PABIR3: variants seen among roughly 807,000 people sequenced by gnomAD.
PABIR3 encodes the protein PABIR family member 1.
A neutral mutation model predicts 23.1 loss-of-function variants in PABIR3; 20 were observed. The ratio of observed to expected loss-of-function variants is 0.86; its 90% CI spans 0.61 to 1.26. The LOEUF (loss-of-function observed/expected upper bound fraction) is 1.26. Among genes scored for constraint, PABIR3 ranks in the 50% most tolerant of loss-of-function variants. The pLI is 0.00. For missense variants in PABIR3, 189 were observed against 195.4 expected, an observed-to-expected ratio of 0.97 and a Z score of 0.20; for synonymous variants, 69 against 68.5, an observed-to-expected ratio of 1.01 and a Z score of -0.04.
At chrX:134,840,168 G>C (rs982726307) in intron 4 of PABIR3, among the ~76,000 whole-genome samples, 16 of 110,839 alleles carry the variant, frequency 1.4e-4, no homozygotes, top group South Asian at 1.1e-3. Flanking sequence ...CAGCGTGCTC[G>C]TTAAGAGTCA....
At chrX:134,803,269 AAGG>A (rs778953963), upstream of PABIR3, among the ~76,000 whole-genome samples, 1 of 111,443 alleles carries the variant, frequency 9.0e-6, no homozygotes, top group Admixed American at 9.5e-5. Context: ...CCACATGTGG[AAGG>A]AGGTCTTTGT....
intron 3 of PABIR3, among the ~76,000 whole-genome samples, chrX:134,826,148 A>G (rs935609423): frequency 9.0e-6 from 1 of 111,265 alleles, no homozygotes; most frequent in Admixed American, 9.7e-5. Context: ...CTCTTTGAGC[A>G]TGACATTTAA....
chrX:134,812,881 G>C (rs2080754124), intron 2 of PABIR3, among the ~76,000 whole-genome samples: 1 of 112,051 alleles, frequency 8.9e-6, no homozygotes, highest in East Asian at 2.8e-4. Flanking sequence ...CTGACTCCCA[G>C]ATGTTCATCT....
chrX:134,827,693 C>T (rs1412110898), intron 3 of PABIR3, among the ~76,000 whole-genome samples: 3 of 111,035 alleles, frequency 2.7e-5, no homozygotes, highest in Non-Finnish European at 5.7e-5. Flanking sequence ...CTGTTGTACC[C>T]TCGCAGGTAC....
chrX:134,857,161 A>T (rs2082754580), downstream of PABIR3, among the ~76,000 whole-genome samples: 1 of 112,011 alleles, frequency 8.9e-6, no homozygotes, highest in South Asian at 3.7e-4. Context: ...TAAACAATGG[A>T]AATTTATTGT....
At chrX:134,801,773 C>G (rs1364018985) in intron 1 of PABIR3, among the ~76,000 whole-genome samples, 2 of 110,827 alleles carry the variant, frequency 1.8e-5, no homozygotes, top group Admixed American at 9.6e-5. Flanking sequence ...TTATCCTGCT[C>G]TTGGTTATAA....
upstream of PABIR3, among the ~76,000 whole-genome samples, chrX:134,805,072 G>A (rs5978045): frequency 2.2e-3 from 243 of 112,633 alleles, no homozygotes; most frequent in African/African-American, 7.5e-3. Flanking sequence ...AATAATTTCA[G>A]AAGTATTTAT....
At chrX:134,821,244 T>TTA in intron 3 of PABIR3, 1 of 570,955 alleles carries the variant, frequency 1.8e-6, no homozygotes, top group Non-Finnish European at 2.4e-6. Flanking sequence ...CCAAGCATTG[T>TTA]AAAAAAAAAA....
At chrX:134,840,996 G>C (rs1040179050) in intron 4 of PABIR3, among the ~76,000 whole-genome samples, 5 of 110,384 alleles carry the variant, frequency 4.5e-5, no homozygotes, top group African/African-American at 9.9e-5. Context: ...GTCTCATATT[G>C]TTGCCAGGCT....
At chrX:134,801,639 T>C (rs1205425840) in intron 1 of PABIR3, among the ~76,000 whole-genome samples, 1 of 112,136 alleles carries the variant, frequency 8.9e-6, no homozygotes, top group Non-Finnish European at 1.9e-5. Flanking sequence ...GCTTCTGCAC[T>C]GATGGCAGTT....
At chrX:134,839,779 G>A (rs1295843301) in intron 4 of PABIR3, among the ~76,000 whole-genome samples, 1 of 110,283 alleles carries the variant, frequency 9.1e-6, no homozygotes, top group Non-Finnish European at 1.9e-5. Flanking sequence ...TCGTCCGGGA[G>A]GTGAGGGGCG....
At chrX:134,847,203 C>T (rs759313916) in intron 6 of PABIR3, among the ~76,000 whole-genome samples, 180 bp from the exon 7 acceptor site, 1 of 112,213 alleles carries the variant, frequency 8.9e-6, no homozygotes, top group South Asian at 3.7e-4. Context: ...GAAAAGGGTG[C>T]CTTTGCTTAT....
At chrX:134,845,513 C>CA (rs2082403522) in intron 6 of PABIR3, 112 bp downstream of exon 6, 1 of 639,756 alleles carries the variant, frequency 1.6e-6, no homozygotes, top group African/African-American at 2.3e-5. Context: ...TATTTTGAAA[C>CA]AAAAATTGTA....
At chrX:134,801,828 C>T (rs1249481472) in intron 1 of PABIR3, among the ~76,000 whole-genome samples, 1 of 108,921 alleles carries the variant, frequency 9.2e-6, no homozygotes, top group East Asian at 2.9e-4. Flanking sequence ...AGGGGCCATG[C>T]TGTATTACAA....
intron 4 of PABIR3, among the ~76,000 whole-genome samples, chrX:134,830,090 A>G (rs955487064): frequency 9.0e-6 from 1 of 111,124 alleles, no homozygotes; most frequent in Admixed American, 9.7e-5. Context: ...CAATTTACCC[A>G]ATCTCCAGAG....
chrX:134,861,113 A>G, the PABIR3 span, among the ~76,000 whole-genome samples: 3 of 110,816 alleles, frequency 2.7e-5, no homozygotes, highest in African/African-American at 9.9e-5. Flanking sequence ...TTTCTCTATT[A>G]AAAATACAAA....
intron 3 of PABIR3, among the ~76,000 whole-genome samples, chrX:134,817,524 A>G (rs1250223476): frequency 9.5e-6 from 1 of 105,645 alleles, no homozygotes; most frequent in Non-Finnish European, 1.9e-5. Flanking sequence ...ATCTTAGTTG[A>G]GATCTTACTG....
chrX:134,843,540 T>C (rs2082317469), intron 4 of PABIR3, among the ~76,000 whole-genome samples: 1 of 106,884 alleles, frequency 9.4e-6, no homozygotes, highest in African/African-American at 3.4e-5. Context: ...CATTTGATCA[T>C]GTATTATGTA....
rs143932946 is a variant in PABIR3 at position 134,817,908 on chromosome X, A to G, written c.189+3059A>G. ...TTGGAAGAGGGCAAACGTATATGCA[A>G]GAAGATCAGATAGGCTACTGCAATC... On this transcript the variant is annotated intron_variant, in intron 3 of 10. Coordinates refer to ENST00000645433, the MANE Select transcript of PABIR3 (RefSeq NM_001388447.1). Among the ~76,000 whole-genome samples the G allele has an allele frequency of 8.5e-3, 946 of 111,706 alleles. 10 individuals are homozygous for G. The highest frequency in any genetic ancestry group is 0.029 in the African/African-American group (901 of 30,745).
Sources: gnomAD v4.1 joint callset for allele counts (sites outside exome capture counted in the v4.1 genomes callset) on GRCh38, gnomAD v4.1.1 for gene constraint, MANE v1.5 for transcripts, NCBI Gene and HGNC (gene_info 2026-07-23, HGNC 2026-07-21) for gene names.